The following TRAPPC9 variants were observed in gnomAD, a reference collection of about 807,000 sequenced individuals.
TRAPPC9 encodes the protein IKK2 binding protein.
A neutral mutation model predicts 124.0 loss-of-function variants in TRAPPC9; 83 were observed. That is an observed-to-expected ratio of 0.67 (90% CI 0.56 to 0.80). The LOEUF (loss-of-function observed/expected upper bound fraction) is 0.80. TRAPPC9 is among the 30% of genes least tolerant of loss of function. TRAPPC9 has a pLI of 0.00. For synonymous variants in TRAPPC9, 638 were observed against 617.5 expected (o/e 1.03, Z -0.49); for missense variants, 1,302 against 1,508.3 (o/e 0.86, Z 2.27).
chr8:140,256,532 C>T (rs972792417), intron 15 of TRAPPC9, among the ~76,000 whole-genome samples: 1 of 152,158 alleles, frequency 6.6e-6, no homozygotes, highest in Admixed American at 6.5e-5. Flanking sequence ...ACGCAGGACC[C>T]CCGGGCAGGC....
chr8:140,347,055 A>AGCTCCTCT (rs2067369864), intron 9 of TRAPPC9, among the ~76,000 whole-genome samples: 1 of 152,164 alleles, frequency 6.6e-6, no homozygotes, highest in Non-Finnish European at 1.5e-5. Context: ...TCCCACCCAT[A>AGCTCCTCT]GCTCCTCTGC....
intron 21 of TRAPPC9, among the ~76,000 whole-genome samples, chr8:139,780,329 GAAAC>G (rs1160127328): frequency 6.6e-6 from 1 of 152,122 alleles, no homozygotes; most frequent in Non-Finnish European, 1.5e-5. Context: ...GACCAGAACA[GAAAC>G]AAACAGATCA....
At chr8:140,090,510 C>A (rs1420632426) in intron 17 of TRAPPC9, among the ~76,000 whole-genome samples, 1 of 152,232 alleles carries the variant, frequency 6.6e-6, no homozygotes, top group South Asian at 2.1e-4. Context: ...GCTCCACTGG[C>A]GTATTACCAA....
intron 21 of TRAPPC9, among the ~76,000 whole-genome samples, chr8:139,810,975 A>G (rs1411045470): frequency 6.6e-6 from 1 of 152,250 alleles, no homozygotes; most frequent in Non-Finnish European, 1.5e-5. Context: ...CATAGGAACA[A>G]AGGCCAAAGG....
chr8:140,173,357 A>G (rs1477275132), intron 17 of TRAPPC9, among the ~76,000 whole-genome samples: 2 of 152,112 alleles, frequency 1.3e-5, no homozygotes, highest in East Asian at 3.9e-4. Flanking sequence ...GATCGAGACC[A>G]TCCTGGCTAA....
At chr8:140,274,589 C>T (rs567873440) in intron 15 of TRAPPC9, among the ~76,000 whole-genome samples, 22 of 152,326 alleles carry the variant, frequency 1.4e-4, no homozygotes, top group South Asian at 4.1e-4. Flanking sequence ...TTCTCCAGAG[C>T]GGTACAAGCC....
Position 140,313,006 on chromosome 8 carries a change from C to A in TRAPPC9, c.1496-1632G>T, listed in dbSNP as rs145035610. Among the ~76,000 whole-genome samples, 35 of 152,282 alleles carry A rather than the reference C, an allele frequency of 2.3e-4. No individual in the cohort carries two copies. The East Asian group carries it at 2.9e-3, about 13-fold the overall frequency. On this transcript the variant is annotated intron_variant, in intron 9 of 22. Coordinates refer to ENST00000438773, the MANE Select transcript of TRAPPC9 (RefSeq NM_001160372.4). ...AACTCCTGGGCTCAAGTGATCCCCC[C>A]ACCTTGGCCTTCCAAAGTACTGGGA...
intron 9 of TRAPPC9, among the ~76,000 whole-genome samples, chr8:140,340,639 G>A (rs1348388091): frequency 1.3e-5 from 2 of 152,206 alleles, no homozygotes; most frequent in Admixed American, 1.3e-4. Context: ...AATTGTCAAA[G>A]GTCACATTTG....
At chr8:140,050,428 CAG>C (rs1256914415) in intron 17 of TRAPPC9, among the ~76,000 whole-genome samples, 2 of 152,222 alleles carry the variant, frequency 1.3e-5, no homozygotes, top group Non-Finnish European at 2.9e-5. Flanking sequence ...CTTTGCAAAT[CAG>C]GGGACTGAAG....
intron 17 of TRAPPC9, among the ~76,000 whole-genome samples, chr8:140,191,385 T>G (rs1240237482): frequency 1.3e-5 from 2 of 152,194 alleles, no homozygotes; most frequent in East Asian, 3.9e-4. Flanking sequence ...CACGTTGACA[T>G]GTAATCCCCG....
chr8:140,385,170 G>A (rs1170305754), intron 7 of TRAPPC9, among the ~76,000 whole-genome samples: 1 of 152,218 alleles, frequency 6.6e-6, no homozygotes, highest in African/African-American at 2.4e-5. Context: ...ATTCAAAGCA[G>A]TGTGTAGAGG....
intron 18 of TRAPPC9, among the ~76,000 whole-genome samples, chr8:140,007,118 C>G (rs924913997): frequency 3.3e-5 from 5 of 152,234 alleles, no homozygotes; most frequent in Admixed American, 6.5e-5. Flanking sequence ...TGCTTCATCT[C>G]TCAACTGACC....
At chr8:139,890,101 C>A (rs1036371406) in intron 20 of TRAPPC9, among the ~76,000 whole-genome samples, 2 of 152,248 alleles carry the variant, frequency 1.3e-5, no homozygotes, top group Non-Finnish European at 2.9e-5. Context: ...AAGGAAGCAG[C>A]GCCCTGCAGC....
At chr8:140,038,475 G>A (rs1245285993) in intron 17 of TRAPPC9, among the ~76,000 whole-genome samples, 1 of 152,204 alleles carries the variant, frequency 6.6e-6, no homozygotes, top group Non-Finnish European at 1.5e-5. Flanking sequence ...GTGCATCACA[G>A]GTCACCAACA....
Position 140,056,727 on chromosome 8 carries a change from G to A in TRAPPC9, c.2557-32648C>T, listed in dbSNP as rs528047836. Reference sequence around the variant, plus strand: ...TAAAACTCCAAGAAGAAAACATAAGGGAAATGCTTCATGACTTGGTCTCTG... The same window carrying A: ...TAAAACTCCAAGAAGAAAACATAAGAGAAATGCTTCATGACTTGGTCTCTG... On this transcript the variant is annotated intron_variant, in intron 17 of 22. Coordinates refer to ENST00000438773, the MANE Select transcript of TRAPPC9 (RefSeq NM_001160372.4). Among the ~76,000 whole-genome samples, 3 of 152,162 alleles carry A rather than the reference G, an allele frequency of 2.0e-5. No homozygotes were observed. The East Asian group carries it at 5.8e-4, about 29-fold the overall frequency.
intron 18 of TRAPPC9, among the ~76,000 whole-genome samples, chr8:140,020,788 T>C (rs1354260546): frequency 1.3e-5 from 2 of 152,234 alleles, no homozygotes; most frequent in Non-Finnish European, 2.9e-5. Context: ...TATCAATTTC[T>C]CCCTTCAGTA....
At chr8:139,750,394 C>T (rs1360115460) in intron 21 of TRAPPC9, among the ~76,000 whole-genome samples, 1 of 152,218 alleles carries the variant, frequency 6.6e-6, no homozygotes, top group Non-Finnish European at 1.5e-5. Flanking sequence ...CTCTTCCACC[C>T]TAGCCACCTC....
intron 18 of TRAPPC9, among the ~76,000 whole-genome samples, chr8:140,015,097 G>A (rs1839378371): frequency 6.6e-6 from 1 of 152,222 alleles, no homozygotes; most frequent in African/African-American, 2.4e-5. Flanking sequence ...TATGCCAGCA[G>A]TAAAGTAGTC....
At chr8:139,962,387 G>A (rs1363966225) in intron 19 of TRAPPC9, among the ~76,000 whole-genome samples, 1 of 125,206 alleles carries the variant, frequency 8.0e-6, no homozygotes, top group East Asian at 2.2e-4. Context: ...CCGTGAAGCT[G>A]AGCAAAGGCA....
Sources: gnomAD v4.1 joint callset for allele counts (sites outside exome capture counted in the v4.1 genomes callset) on GRCh38, gnomAD v4.1.1 for gene constraint, MANE v1.5 for transcripts, NCBI Gene and HGNC (gene_info 2026-07-23, HGNC 2026-07-21) for gene names.